RALY: variants seen among roughly 807,000 people sequenced by gnomAD.
RALY encodes RNA-binding protein Raly.
RALY carries 15 observed loss-of-function variants against 30.7 expected under a neutral mutation model. The observed-to-expected ratio is 0.49, with a 90% CI of 0.33 to 0.75. The LOEUF is 0.75. Among genes scored for constraint, RALY ranks in the 30% least tolerant of loss-of-function variants. The pLI, the probability that RALY is intolerant of heterozygous loss-of-function variation, is 0.02. For missense variants in RALY, 339 were observed against 414.3 expected (o/e 0.82, Z 1.58); for synonymous variants, 177 against 170.8 (o/e 1.04, Z -0.28).
chr20:34,032,056 G>T (rs768321930), intron 2 of RALY, among the ~76,000 whole-genome samples: 5 of 152,142 alleles, frequency 3.3e-5, no homozygotes, highest in Non-Finnish European at 7.4e-5. Context: ...TCCGCCTCCC[G>T]GGTTCAAGCA....
At chr20:34,034,060 C>T (rs1256584195) in intron 2 of RALY, among the ~76,000 whole-genome samples, 2 of 152,188 alleles carry the variant, frequency 1.3e-5, no homozygotes, top group African/African-American at 4.8e-5. Flanking sequence ...CCCAAGAGCC[C>T]ATCCCAACAG....
At chr20:34,055,151 G>T (rs6088390) in intron 2 of RALY, among the ~76,000 whole-genome samples, 1 of 152,108 alleles carries the variant, frequency 6.6e-6, no homozygotes, top group African/African-American at 2.4e-5. Context: ...TTGAACCCCA[G>T]GTAGTCTGAT....
chr20:34,073,992 TC>T, intron 5 of RALY, 126 bp downstream of exon 5: 1 of 1,051,318 alleles, frequency 9.5e-7, no homozygotes, highest in Non-Finnish European at 1.4e-6. Context: ...CTGGGGTTGC[TC>T]CACCAGTCGG....
chr20:33,998,033 A>G (rs747051738), intron 1 of RALY, among the ~76,000 whole-genome samples: 1 of 152,260 alleles, frequency 6.6e-6, no homozygotes, highest in Non-Finnish European at 1.5e-5. Flanking sequence ...TAGACCAGCC[A>G]CCTGGCTGAC....
intron 1 of RALY, chr20:34,017,360 T>A (rs778318700): frequency 4.6e-5 from 7 of 152,226 alleles, no homozygotes; most frequent in Non-Finnish European, 1.0e-4. Context: ...TTAATACATT[T>A]CTGAGCATTT....
chr20:34,063,681 A>G (rs1258050519), intron 2 of RALY, among the ~76,000 whole-genome samples: 1 of 152,216 alleles, frequency 6.6e-6, no homozygotes, highest in Non-Finnish European at 1.5e-5. Flanking sequence ...ACATTCTTGT[A>G]TTTCAAACTT....
chr20:34,008,010 T>A (rs2031239834), intron 1 of RALY, among the ~76,000 whole-genome samples: 1 of 152,178 alleles, frequency 6.6e-6, no homozygotes, highest in African/African-American at 2.4e-5. Flanking sequence ...ATTGTGGGAC[T>A]ATGGGATCCT....
At position 34,072,271 on chromosome 20, in the gene RALY, G is replaced by A. The variant is rs1478488535; in HGVS notation, c.197G>A (p.Arg66His). The A allele has an allele frequency of 2.5e-6, 4 of 1,614,008 alleles. No individual in the cohort carries two copies. Among genetic ancestry groups the A allele is most frequent in the Admixed American group, 1.7e-5 (1 of 60,022 alleles). ...GYAFVQYSNE[R>H]HARAAVLGEN... Reference sequence around the variant, plus strand: ...GCCTTTGTTCAGTACTCCAATGAGCGCCATGCCCGGGCAGCTGTGCTGGGA... The same window carrying A: ...GCCTTTGTTCAGTACTCCAATGAGCACCATGCCCGGGCAGCTGTGCTGGGA... The change falls in exon 3 of 10, where the codon CGC (arginine) becomes CAC (histidine). Residue 66 changes from arginine (R) to histidine (H), a missense_variant. Physicochemically the swap from Arg to His is conservative, Grantham distance 29 (BLOSUM62 0). This residue lies in a region of RALY where 71 missense variants were observed against 133.7 expected (regional missense o/e 0.53). Transcript: ENST00000246194.
chr20:34,034,746 C>T (rs1284987863), intron 2 of RALY, among the ~76,000 whole-genome samples: 2 of 151,938 alleles, frequency 1.3e-5, no homozygotes, highest in East Asian at 3.9e-4. Flanking sequence ...TTCTAAAACC[C>T]CATAAGATTA....
chr20:34,019,868 C>T (rs976196460), intron 1 of RALY, among the ~76,000 whole-genome samples: 4 of 151,908 alleles, frequency 2.6e-5, no homozygotes, highest in Non-Finnish European at 4.4e-5. Context: ...GAGACCATCC[C>T]GGCTAAAACG....
At chr20:34,008,930 A>C (rs2031281828) in intron 1 of RALY, among the ~76,000 whole-genome samples, 2 of 152,000 alleles carry the variant, frequency 1.3e-5, no homozygotes, top group Admixed American at 1.3e-4. Flanking sequence ...AAGTGTTGGG[A>C]TTATGTGTGA....
At chr20:34,066,732 G>GTCT (rs1255516417) in intron 2 of RALY, among the ~76,000 whole-genome samples, 1 of 151,486 alleles carries the variant, frequency 6.6e-6, no homozygotes, top group East Asian at 1.9e-4. Context: ...CATTCTTGAG[G>GTCT]TCTTTCCCTT....
intron 2 of RALY, among the ~76,000 whole-genome samples, chr20:34,057,560 T>A (rs931295023): frequency 5.4e-5 from 8 of 148,714 alleles, no homozygotes; most frequent in African/African-American, 1.7e-4. Context: ...CCAGCTACTC[T>A]GGAGGCTGAG....
rs189674795 is a variant in RALY at position 34,014,102 on chromosome 20, T to A, written c.-92-17420T>A. On this transcript the variant is annotated intron_variant, in intron 1 of 9. Coordinates refer to ENST00000246194, the MANE Select transcript of RALY (RefSeq NM_016732.3). Reference sequence around the variant, plus strand: ...CTGTTTTACCTCAATTTGAACAGATTAAGTTTGCGTGCATGCTGGACATGC... The same window carrying A: ...CTGTTTTACCTCAATTTGAACAGATAAAGTTTGCGTGCATGCTGGACATGC... Among the ~76,000 whole-genome samples, 31 of 152,326 alleles carry A rather than the reference T, an allele frequency of 2.0e-4. No homozygotes were observed. In the East Asian group the frequency reaches 5.8e-3, roughly 28 times the overall value.
chr20:34,042,590 T>C (rs562175686), intron 2 of RALY, among the ~76,000 whole-genome samples: 2 of 152,284 alleles, frequency 1.3e-5, no homozygotes, highest in South Asian at 4.1e-4. Context: ...TTTTCATACA[T>C]AGAGTGAGCA....
chr20:34,077,357 C>G lies in RALY; in HGVS notation c.876+112C>G, dbSNP rs1052679617. 10 of 1,550,308 alleles carry G rather than the reference C, an allele frequency of 6.5e-6. No individual in the cohort carries two copies. In the African/African-American group the frequency reaches 1.2e-4, roughly 19 times the overall value. On this transcript the variant is annotated intron_variant, in intron 8 of 9. Transcript: ENST00000246194. ...TTGCCCCCACTGTGAACTTCCTGTT[C>G]TCTCCTTCCCAGGGGTTCTGGTCCT...
At position 34,071,437 on chromosome 20, in the gene RALY, C is replaced by T. The variant is rs559424148; in HGVS notation, c.-9-629C>T. Among the ~76,000 whole-genome samples, 16 of 152,146 alleles carry T rather than the reference C, an allele frequency of 1.1e-4. No individual in the cohort carries two copies. In the South Asian group the frequency reaches 2.7e-3, roughly 26 times the overall value. On this transcript the variant is annotated intron_variant, in intron 2 of 9. Coordinates refer to ENST00000246194, the MANE Select transcript of RALY (RefSeq NM_016732.3). The stretch of plus-strand genomic sequence containing the variant: ...GGATTACAGGTACCCGCCACCACGC[C>T]TGGCTAATTTTTTGTATTTTTAGTA...
chr20:34,048,725 G>A (rs568422023), intron 2 of RALY, among the ~76,000 whole-genome samples: 342 of 151,854 alleles, frequency 2.3e-3, no homozygotes, highest in African/African-American at 8.0e-3. Context: ...GCGTGGTGGC[G>A]GGCGCCTGTA....
intron 2 of RALY, among the ~76,000 whole-genome samples, chr20:34,043,431 C>T (rs527706615): frequency 2.6e-5 from 4 of 152,310 alleles, no homozygotes; most frequent in East Asian, 1.9e-4. Context: ...TCTCTGGCAG[C>T]GTTTTAATTA....
Sources: gnomAD v4.1 joint callset for allele counts (sites outside exome capture counted in the v4.1 genomes callset) on GRCh38, gnomAD v4.1.1 for gene constraint, gnomAD v4.1.1 regional missense constraint, MANE v1.5 for transcripts, NCBI Gene and HGNC (gene_info 2026-07-23, HGNC 2026-07-21) for gene names.